Variants in MYRIP observed in about 807,000 individuals in gnomAD.
MYRIP encodes the protein rab effector MyRIP.
A neutral mutation model predicts 98.0 loss-of-function variants in MYRIP; 49 were observed. The observed-to-expected ratio is 0.50, with a 90% confidence interval of 0.40 to 0.63. The LOEUF is 0.63. Among genes scored for constraint, MYRIP ranks in the 30% least tolerant of loss-of-function variants. The pLI, the probability that MYRIP is intolerant of heterozygous loss-of-function variation, is 0.00. For missense variants in MYRIP, 1,004 were observed against 1,058.2 expected (o/e 0.95, Z 0.71); for synonymous variants, 404 against 409.5 (o/e 0.99, Z 0.16).
At chr3:39,856,334 A>T (rs1007529002) in intron 1 of MYRIP, among the ~76,000 whole-genome samples, 1 of 152,212 alleles carries the variant, frequency 6.6e-6, no homozygotes, top group African/African-American at 2.4e-5. Context: ...GCTGCACATT[A>T]GCCCTGCCTT....
chr3:40,068,164 A>T (rs537268853), intron 3 of MYRIP, among the ~76,000 whole-genome samples: 2 of 152,350 alleles, frequency 1.3e-5, no homozygotes, highest in South Asian at 4.1e-4. Flanking sequence ...CTCTACAAGT[A>T]GCAGTCTTGG....
chr3:39,965,157 A>C (rs1466177002), intron 2 of MYRIP, among the ~76,000 whole-genome samples: 1 of 152,068 alleles, frequency 6.6e-6, no homozygotes, highest in Admixed American at 6.6e-5. Context: ...ATTTGTGAAC[A>C]TGTTACATAT....
At chr3:39,938,188 C>G (rs772491220) in intron 2 of MYRIP, among the ~76,000 whole-genome samples, 1 of 152,146 alleles carries the variant, frequency 6.6e-6, no homozygotes, top group East Asian at 1.9e-4. Flanking sequence ...GCCTTGAATT[C>G]TAGTGACATA....
upstream of MYRIP, chr3:39,809,470 G>C (rs1358224943): frequency 6.8e-6 from 1 of 146,710 alleles, no homozygotes; most frequent in African/African-American, 2.5e-5. Flanking sequence ...CCCCTGCCCC[G>C]GCGCAGGCGC....
chr3:40,009,282 G>T (rs1260001703), intron 2 of MYRIP, among the ~76,000 whole-genome samples: 1 of 150,704 alleles, frequency 6.6e-6, no homozygotes, highest in Non-Finnish European at 1.5e-5. Flanking sequence ...TGTCACCCAG[G>T]CTGGAGTGCA....
At chr3:39,875,357 T>C (rs1376441636) in intron 1 of MYRIP, among the ~76,000 whole-genome samples, 3 of 151,494 alleles carry the variant, frequency 2.0e-5, no homozygotes, top group South Asian at 2.1e-4. Context: ...CTGCTCTGAT[T>C]TTAGTTATTT....
At chr3:39,860,618 A>T (rs941337358) in intron 1 of MYRIP, among the ~76,000 whole-genome samples, 3 of 152,148 alleles carry the variant, frequency 2.0e-5, no homozygotes, top group Non-Finnish European at 4.4e-5. Flanking sequence ...CCAGAAGCCC[A>T]CACTGTAGCT....
chr3:40,134,873 AC>A lies in MYRIP; in HGVS notation c.333-16172del, dbSNP rs531154359. On this transcript the variant is annotated intron_variant, in intron 3 of 16. Transcript: ENST00000302541. ...AACAGAAAGGACATCCACACCAAAA[AC>A]CCATCTGTACGTCACCATCATCAAA... Among the ~76,000 whole-genome samples the A allele has an allele frequency of 6.0e-3, 910 of 152,234 alleles. 3 individuals carry two copies. The highest frequency in any genetic ancestry group is 0.02 in the Middle Eastern group (6 of 294).
At chr3:40,040,246 C>T (rs1308028310) in intron 2 of MYRIP, among the ~76,000 whole-genome samples, 2 of 151,464 alleles carry the variant, frequency 1.3e-5, no homozygotes, top group Non-Finnish European at 2.9e-5. Context: ...CATCACTGGC[C>T]ATCAGAGAAA....
intron 3 of MYRIP, among the ~76,000 whole-genome samples, chr3:40,115,451 A>G (rs13080032): frequency 0.056 from 8,595 of 152,252 alleles, 348 homozygotes; most frequent in Middle Eastern, 0.092. Flanking sequence ...GAAATGCCAG[A>G]CGCTTACAAA....
At chr3:40,175,527 C>T (rs1437223974) in intron 8 of MYRIP, among the ~76,000 whole-genome samples, 1 of 152,254 alleles carries the variant, frequency 6.6e-6, no homozygotes, top group Non-Finnish European at 1.5e-5. Flanking sequence ...TTCTCAGACT[C>T]CCATTGGGTG....
intron 2 of MYRIP, among the ~76,000 whole-genome samples, chr3:39,937,593 TC>T (rs773969289): frequency 1.8e-4 from 28 of 152,346 alleles, no homozygotes; most frequent in Non-Finnish European, 2.6e-4. Flanking sequence ...GGCTTGGCCT[TC>T]ATTTATTGGC....
At chr3:40,133,430 A>T (rs1949688438) in intron 3 of MYRIP, among the ~76,000 whole-genome samples, 1 of 152,210 alleles carries the variant, frequency 6.6e-6, no homozygotes, top group Non-Finnish European at 1.5e-5. Flanking sequence ...CTCTTGATGG[A>T]TGCTTAACTT....
intron 2 of MYRIP, among the ~76,000 whole-genome samples, chr3:39,973,397 T>C (rs1367549217): frequency 6.6e-6 from 1 of 152,104 alleles, no homozygotes; most frequent in Non-Finnish European, 1.5e-5. Flanking sequence ...CCCAGATTCA[T>C]AAAGCAAGTC....
intron 2 of MYRIP, among the ~76,000 whole-genome samples, chr3:39,989,428 A>G (rs1348396730): frequency 6.6e-6 from 1 of 152,152 alleles, no homozygotes; most frequent in African/African-American, 2.4e-5. Flanking sequence ...TCTCTGACCT[A>G]ACTGATGCCA....
intron 15 of MYRIP, among the ~76,000 whole-genome samples, chr3:40,251,386 T>C (rs949528509): frequency 6.6e-6 from 1 of 152,234 alleles, no homozygotes; most frequent in Non-Finnish European, 1.5e-5. Context: ...AGAAAGGTAA[T>C]ATAGTACACG....
chr3:40,092,132 C>T (rs1436338958), intron 3 of MYRIP, among the ~76,000 whole-genome samples: 1 of 152,294 alleles, frequency 6.6e-6, no homozygotes, highest in East Asian at 1.9e-4. Flanking sequence ...TCTGAAGACA[C>T]AGAGCCCCTC....
upstream of MYRIP, chr3:39,809,507 C>A (rs1940585215): frequency 6.7e-6 from 1 of 148,188 alleles, no homozygotes; most frequent in African/African-American, 2.4e-5. Context: ...TCCCGCCGGG[C>A]GCCCTGCACG....
intron 10 of MYRIP, among the ~76,000 whole-genome samples, chr3:40,208,497 C>T (rs1559454320): frequency 1.3e-5 from 2 of 152,080 alleles, no homozygotes; most frequent in East Asian, 3.8e-4. Flanking sequence ...CTGGAGTTCC[C>T]CAAGCCTGGT....
Sources: allele counts gnomAD v4.1 joint callset (sites outside exome capture counted in the v4.1 genomes callset), GRCh38; gene constraint gnomAD v4.1.1; transcripts MANE v1.5; gene names NCBI Gene and HGNC (gene_info 2026-07-23, HGNC 2026-07-21).